The following PHKB variants were observed in gnomAD, a reference collection of about 807,000 sequenced individuals.
PHKB encodes phosphorylase kinase regulatory subunit beta.
A neutral mutation model predicts 152.1 loss-of-function variants in PHKB; 122 were observed. The ratio of observed to expected loss-of-function variants is 0.80; its 90% CI spans 0.69 to 0.93. PHKB has a LOEUF of 0.93. Ranked by LOEUF, PHKB falls within the 40% of genes least tolerant of loss-of-function variation. The pLI is 0.00. For synonymous variants in PHKB, 436 were observed against 464.9 expected, an observed-to-expected ratio of 0.94 and a Z score of 0.80; for missense variants, 1,304 against 1,328.4, an observed-to-expected ratio of 0.98 and a Z score of 0.29.
At chr16:47,585,205 T>C (rs1387112595) in intron 8 of PHKB, among the ~76,000 whole-genome samples, 2 of 152,234 alleles carry the variant, frequency 1.3e-5, no homozygotes, top group African/African-American at 4.8e-5. Flanking sequence ...GGCAGAATTA[T>C]AATGTTTTCA....
Position 47,669,220 on chromosome 16 carries a change from T to G in PHKB, c.2433T>G (p.Thr811=), listed in dbSNP as rs187940556. The change falls in exon 26 of 31, where the codon ACT becomes ACG. Residue 811 remains threonine (T), a synonymous_variant. Coordinates refer to ENST00000323584, the MANE Select transcript of PHKB (RefSeq NM_000293.3). ...TTFLVHGKQV[T]LGAFGHEEEV... is the part of the protein sequence containing the mutation. ...TAAAATTCTGCCACTTGTAGGTAACTCTGGGTGCCTTTGGGCATGAAGAAG... is the reference window on the plus strand; with the variant it reads ...TAAAATTCTGCCACTTGTAGGTAACGCTGGGTGCCTTTGGGCATGAAGAAG... The G allele has an allele frequency of 3.4e-4, 555 of 1,613,390 alleles. 5 individuals carry two copies. In the East Asian group the frequency reaches 0.011, roughly 32 times the overall value.
intron 7 of PHKB, among the ~76,000 whole-genome samples, chr16:47,573,457 G>A (rs1002621625): frequency 1.3e-5 from 2 of 152,184 alleles, no homozygotes; most frequent in Non-Finnish European, 2.9e-5. Flanking sequence ...AACTGCCTCT[G>A]TTGCATAAAA....
intron 16 of PHKB, among the ~76,000 whole-genome samples, chr16:47,647,095 T>C (rs1003046983): frequency 2.0e-5 from 3 of 151,920 alleles, no homozygotes; most frequent in African/African-American, 7.3e-5. Context: ...CCCCCTCAGT[T>C]TTTATTTATT....
intron 6 of PHKB, among the ~76,000 whole-genome samples, chr16:47,537,904 T>C (rs918254532): frequency 2.2e-5 from 3 of 138,554 alleles, no homozygotes; most frequent in African/African-American, 3.2e-5. Flanking sequence ...CTCTCTCTCT[T>C]TTTAAGTTGA....
chr16:47,477,380 G>T (rs1245313735), intron 1 of PHKB, among the ~76,000 whole-genome samples: 4 of 152,162 alleles, frequency 2.6e-5, no homozygotes, highest in African/African-American at 9.7e-5. Flanking sequence ...CAAGTTGAAT[G>T]AATTAATTAA....
intron 7 of PHKB, chr16:47,566,018 A>G (rs1971558856): frequency 2.8e-6 from 2 of 705,000 alleles, no homozygotes; most frequent in East Asian, 2.6e-5. Context: ...AGTCTTCATC[A>G]CAGTCCTCAC....
chr16:47,650,403 T>A, intron 18 of PHKB, 141 bp from the exon 19 acceptor site: 1 of 686,722 alleles, frequency 1.5e-6, no homozygotes, highest in Non-Finnish European at 2.7e-6. Flanking sequence ...CTTCTACCCC[T>A]AAGTAGTCTA....
intron 14 of PHKB, among the ~76,000 whole-genome samples, chr16:47,631,716 A>G (rs1972831078): frequency 6.6e-6 from 1 of 152,164 alleles, no homozygotes; most frequent in Admixed American, 6.5e-5. Flanking sequence ...CTTATGAATG[A>G]AAACATGCAG....
At chr16:47,472,505 G>C (rs1251141174) in intron 1 of PHKB, among the ~76,000 whole-genome samples, 2 of 152,032 alleles carry the variant, frequency 1.3e-5, no homozygotes, top group Admixed American at 6.6e-5. Context: ...AAATTAGGCT[G>C]GGTGCGGTGG....
chr16:47,653,296 C>T (rs1973273039), intron 20 of PHKB, among the ~76,000 whole-genome samples: 1 of 152,150 alleles, frequency 6.6e-6, no homozygotes, highest in African/African-American at 2.4e-5. Context: ...CTCCTGCTCT[C>T]CACTGTGCCT....
At chr16:47,673,129 A>ATT (rs55724316) in intron 26 of PHKB, among the ~76,000 whole-genome samples, 23 of 147,266 alleles carry the variant, frequency 1.6e-4, no homozygotes, top group African/African-American at 4.9e-4. Context: ...GCAATCTGGT[A>ATT]TTTTTTTTTT....
intron 1 of PHKB, among the ~76,000 whole-genome samples, chr16:47,475,466 C>T (rs1434130855): frequency 6.6e-6 from 1 of 152,106 alleles, no homozygotes; most frequent in Non-Finnish European, 1.5e-5. Flanking sequence ...ACGGAACATT[C>T]TATGGCTAAA....
At chr16:47,464,029 AT>A in intron 1 of PHKB, 1 of 1,237,042 alleles carries the variant, frequency 8.1e-7, no homozygotes, top group Non-Finnish European at 1.2e-6. Context: ...TCACTTGGTA[AT>A]TTTAAATACC....
chr16:47,526,272 G>C (rs1437811488), intron 6 of PHKB, among the ~76,000 whole-genome samples: 2 of 152,120 alleles, frequency 1.3e-5, no homozygotes, highest in African/African-American at 2.4e-5. Flanking sequence ...ATCTGGGCAT[G>C]GTGGCGGGCA....
At chr16:47,670,703 T>C (rs550125115) in intron 26 of PHKB, among the ~76,000 whole-genome samples, 102 of 152,208 alleles carry the variant, frequency 6.7e-4, no homozygotes, top group African/African-American at 2.4e-3. Context: ...TTGGCCAAGC[T>C]GGTCTTGAAC....
At chr16:47,636,310 G>A (rs1972919093) in intron 14 of PHKB, among the ~76,000 whole-genome samples, 1 of 152,224 alleles carries the variant, frequency 6.6e-6, no homozygotes, top group South Asian at 2.1e-4. Context: ...GCCACTGTGG[G>A]GACACCAGCT....
chr16:47,463,118 A>G (rs1252621959), intron 1 of PHKB: 5 of 152,666 alleles, frequency 3.3e-5, no homozygotes, highest in African/African-American at 1.2e-4. Context: ...ACTGCCCCCA[A>G]CATATATTTT....
chr16:47,530,467 A>G (rs976360782), intron 6 of PHKB, among the ~76,000 whole-genome samples: 1 of 152,296 alleles, frequency 6.6e-6, no homozygotes, highest in Middle Eastern at 3.4e-3. Flanking sequence ...ACTCCTATTT[A>G]ACATTGTACA....
chr16:47,592,312 G>A (rs1218028952), intron 10 of PHKB, among the ~76,000 whole-genome samples: 1 of 152,146 alleles, frequency 6.6e-6, no homozygotes, highest in Non-Finnish European at 1.5e-5. Context: ...TTTATTTCCA[G>A]ACCAAAGTCT....
Sources: gnomAD v4.1 joint callset for allele counts (sites outside exome capture counted in the v4.1 genomes callset) on GRCh38, gnomAD v4.1.1 for gene constraint, MANE v1.5 for transcripts, NCBI Gene and HGNC (gene_info 2026-07-23, HGNC 2026-07-21) for gene names.